DOCK5: variants seen among roughly 807,000 people sequenced by gnomAD.
DOCK5 encodes the protein dedicator of cytokinesis 5, also known as dedicator of cytokinesis protein 5.
In DOCK5, 142 loss-of-function variants were observed where a neutral mutation model predicts 251.8. The observed-to-expected ratio is 0.56, with a 90% CI of 0.49 to 0.65. DOCK5 has a LOEUF of 0.65. DOCK5 is among the 30% of genes least tolerant of loss of function. The probability of loss-of-function intolerance (pLI) is 0.00; values close to 1 mark genes in which losing one functional copy is unlikely to be tolerated. For synonymous variants in DOCK5, 842 were observed against 835.5 expected (o/e 1.01, Z -0.13); for missense variants, 2,111 against 2,312.3 (o/e 0.91, Z 1.79).
At chr8:25,233,170 C>A (rs2117524029) in intron 1 of DOCK5, among the ~76,000 whole-genome samples, 1 of 152,280 alleles carries the variant, frequency 6.6e-6, no homozygotes, top group South Asian at 2.1e-4. Context: ...CCTGTTCAAG[C>A]AGTAAGTGCA....
chr8:25,348,788 A>G (rs1800414011), intron 26 of DOCK5, among the ~76,000 whole-genome samples: 1 of 151,630 alleles, frequency 6.6e-6, no homozygotes. Context: ...CAGTGAGCCA[A>G]GATCACACCA....
intron 14 of DOCK5, 132 bp downstream of exon 14, chr8:25,317,263 C>T: frequency 7.1e-7 from 1 of 1,411,052 alleles, no homozygotes; most frequent in Non-Finnish European, 9.6e-7. Context: ...AAATATAAAG[C>T]CTGTTAAATT....
At chr8:25,226,618 C>A (rs1802539041) in intron 1 of DOCK5, among the ~76,000 whole-genome samples, 1 of 149,496 alleles carries the variant, frequency 6.7e-6, no homozygotes, top group African/African-American at 2.5e-5. Context: ...GAGAGTCTCG[C>A]TGTGTTCCCC....
intron 30 of DOCK5, 110 bp from the exon 31 acceptor site, chr8:25,366,757 GTTC>G: frequency 1.4e-6 from 1 of 699,410 alleles, no homozygotes; most frequent in Non-Finnish European, 2.4e-6. Flanking sequence ...ATTGTATTTT[GTTC>G]TTTCATTAAT....
intron 1 of DOCK5, among the ~76,000 whole-genome samples, chr8:25,205,249 C>T (rs1017152299): frequency 3.4e-4 from 52 of 152,040 alleles, no homozygotes; most frequent in African/African-American, 1.2e-3. Flanking sequence ...TGCTGTCTCT[C>T]ACTCTCTCTC....
chr8:25,325,015 A>T (rs781737844), intron 17 of DOCK5, among the ~76,000 whole-genome samples: 1 of 152,012 alleles, frequency 6.6e-6, no homozygotes, highest in Non-Finnish European at 1.5e-5. Flanking sequence ...CATGGTGTAT[A>T]TGTGCCATAT....
At chr8:25,305,377 G>A (rs1804890049) in intron 11 of DOCK5, 1 of 151,614 alleles carries the variant, frequency 6.6e-6, no homozygotes, top group Non-Finnish European at 1.5e-5. Flanking sequence ...ACTTATGCCA[G>A]TGTAAATTTT....
intron 6 of DOCK5, among the ~76,000 whole-genome samples, chr8:25,295,003 A>G (rs1456419869): frequency 6.6e-6 from 1 of 152,196 alleles, no homozygotes; most frequent in African/African-American, 2.4e-5. Context: ...ACCAGGCCCC[A>G]CTTCCAACAT....
chr8:25,239,784 TC>T (rs1252837008), intron 1 of DOCK5, among the ~76,000 whole-genome samples: 1 of 152,160 alleles, frequency 6.6e-6, no homozygotes, highest in Non-Finnish European at 1.5e-5. Flanking sequence ...CACCAGCCAA[TC>T]CTGGTTGTAA....
chr8:25,284,241 C>T lies in DOCK5; in HGVS notation c.321+5576C>T, dbSNP rs141036085. On this transcript the variant is annotated intron_variant, in intron 5 of 51. Coordinates refer to ENST00000276440, the MANE Select transcript of DOCK5 (RefSeq NM_024940.8). Reference sequence around the variant, plus strand: ...TTGCAAATTTATTGTAAGGATTCAGCGGGATAGTCTGTATAAAACCCCAGG... The same window carrying T: ...TTGCAAATTTATTGTAAGGATTCAGTGGGATAGTCTGTATAAAACCCCAGG... Among the ~76,000 whole-genome samples the T allele has an allele frequency of 4.5e-4, 69 of 152,246 alleles. 2 individuals carry two copies. The highest frequency in any genetic ancestry group is 3.4e-3 in the Middle Eastern group (1 of 294).
intron 1 of DOCK5, among the ~76,000 whole-genome samples, chr8:25,214,469 T>C (rs181484458): frequency 6.6e-6 from 1 of 152,044 alleles, no homozygotes; most frequent in Non-Finnish European, 1.5e-5. Context: ...TCACAGCAAA[T>C]ATGGGTTGTG....
At position 25,273,943 on chromosome 8, in the gene DOCK5, C is replaced by T. The variant is rs150281976; in HGVS notation, c.169-1443C>T. 3.3e-3 allele frequency among the ~76,000 whole-genome samples: 506 copies of T among 152,254 alleles called. 2 individuals are homozygous for T. Among genetic ancestry groups the T allele is most frequent in the African/African-American group, 0.011 (439 of 41,544 alleles). On this transcript the variant is annotated intron_variant, in intron 3 of 51. Coordinates refer to ENST00000276440, the MANE Select transcript of DOCK5 (RefSeq NM_024940.8). ...TTAGAATTCACACTCATATTCCCCA[C>T]GCCTGCCCCCGTCTCAAAGCGAGGA...
chr8:25,262,193 C>T (rs1803606145), intron 2 of DOCK5, among the ~76,000 whole-genome samples: 1 of 152,134 alleles, frequency 6.6e-6, no homozygotes, highest in African/African-American at 2.4e-5. Flanking sequence ...TCCAGTTGCT[C>T]CATCTCCTTA....
chr8:25,350,349 C>T (rs1334189288), intron 26 of DOCK5, among the ~76,000 whole-genome samples: 1 of 144,936 alleles, frequency 6.9e-6, no homozygotes, highest in Non-Finnish European at 1.5e-5. Context: ...AGTCAAGTTG[C>T]ATGTGGGTAA....
intron 10 of DOCK5, 136 bp downstream of exon 10, chr8:25,302,590 T>C: frequency 8.2e-7 from 1 of 1,225,506 alleles, no homozygotes. Context: ...AAGCAAGGTC[T>C]GGAGGAGATA....
intron 18 of DOCK5, among the ~76,000 whole-genome samples, chr8:25,329,726 A>G (rs1167207775): frequency 6.6e-6 from 1 of 152,180 alleles, no homozygotes. Context: ...TTCATGGCGG[A>G]ATTGCTTATG....
At chr8:25,310,843 A>G (rs775948730) in intron 13 of DOCK5, among the ~76,000 whole-genome samples, 36 of 152,258 alleles carry the variant, frequency 2.4e-4, no homozygotes, top group Admixed American at 5.2e-4. Context: ...ACACTGATAT[A>G]CGGTGTGCAA....
intron 5 of DOCK5, among the ~76,000 whole-genome samples, chr8:25,285,021 C>T (rs192586923): frequency 3.3e-5 from 5 of 152,258 alleles, no homozygotes; most frequent in East Asian, 1.9e-4. Context: ...TGTGGTCAAT[C>T]GGGCTGTTTT....
chr8:25,377,283 T>C, intron 37 of DOCK5, 22 bp from the exon 38 acceptor site: 1 of 1,600,956 alleles, frequency 6.2e-7, no homozygotes, highest in Non-Finnish European at 8.5e-7. Flanking sequence ...ATTAACCGTG[T>C]GTCGCTTTTC....
Sources: gnomAD v4.1 joint callset for allele counts (sites outside exome capture counted in the v4.1 genomes callset) on GRCh38, gnomAD v4.1.1 for gene constraint, MANE v1.5 for transcripts, NCBI Gene and HGNC (gene_info 2026-07-23, HGNC 2026-07-21) for gene names.